COL11A1: variants seen among roughly 807,000 people sequenced by gnomAD.
COL11A1 encodes the protein collagen type XI alpha 1 chain, also known as collagen alpha-1(XI) chain.
Under a neutral mutation model 265.2 loss-of-function variants are expected in COL11A1, and 74 were observed. The observed-to-expected ratio is 0.28, with a 90% CI of 0.23 to 0.34. The LOEUF (loss-of-function observed/expected upper bound fraction) is 0.34, where lower values mean the gene tolerates loss of function less well. Among genes scored for constraint, COL11A1 ranks in the 10% least tolerant of loss-of-function variants. The probability of loss-of-function intolerance (pLI) is 1.00; values close to 1 mark genes in which losing one functional copy is unlikely to be tolerated. For synonymous variants in COL11A1, 816 were observed against 727.6 expected (o/e 1.12, Z -1.96); for missense variants, 2,165 against 2,263.6 (o/e 0.96, Z 0.88).
At chr1:102,962,339 C>T (rs1053395327) in intron 39 of COL11A1, 74 bp from the exon 40 acceptor site, 6 of 1,078,108 alleles carry the variant, frequency 5.6e-6, no homozygotes, top group Non-Finnish European at 8.7e-6. Context: ...TTGTGATTAC[C>T]TCTAAACTAC....
At chr1:103,014,968 A>G (rs1666442893) in intron 12 of COL11A1, among the ~76,000 whole-genome samples, 1 of 152,088 alleles carries the variant, frequency 6.6e-6, no homozygotes, top group Non-Finnish European at 1.5e-5. Context: ...GTTACAGCTC[A>G]ATCTCTATTT....
chr1:102,946,983 G>C (rs1466810359), intron 41 of COL11A1, 27 bp from the exon 42 acceptor site: 10 of 1,561,448 alleles, frequency 6.4e-6, no homozygotes, highest in South Asian at 2.3e-5. Flanking sequence ...GAAGTATTTT[G>C]TTATTAAAGA....
intron 63 of COL11A1, among the ~76,000 whole-genome samples, chr1:102,886,145 T>C (rs971282942): frequency 6.6e-6 from 1 of 152,190 alleles, no homozygotes; most frequent in Non-Finnish European, 1.5e-5. Context: ...ACTTTAATAA[T>C]TGTAAGAGTT....
intron 1 of COL11A1, among the ~76,000 whole-genome samples, chr1:103,105,991 C>A (rs940115556): frequency 2.6e-5 from 4 of 152,074 alleles, no homozygotes; most frequent in Admixed American, 6.6e-5. Context: ...GAAGAAGAAA[C>A]CCAACAAAAT....
At chr1:102,961,770 C>T (rs969909306) in intron 41 of COL11A1, 96 bp downstream of exon 41, 3 of 1,136,148 alleles carry the variant, frequency 2.6e-6, no homozygotes, top group Non-Finnish European at 3.9e-6. Flanking sequence ...TTTATTTTCT[C>T]TCCCACACAC....
chr1:103,090,293 T>C (rs944185180), intron 1 of COL11A1, among the ~76,000 whole-genome samples: 3 of 152,022 alleles, frequency 2.0e-5, no homozygotes, highest in African/African-American at 7.2e-5. Context: ...CTAATAAAAA[T>C]AAAATAATAC....
chr1:102,955,921 T>C (rs1481758671), intron 41 of COL11A1, among the ~76,000 whole-genome samples: 4 of 152,156 alleles, frequency 2.6e-5, no homozygotes, highest in African/African-American at 9.7e-5. Context: ...TCAGAAGACA[T>C]GCCCTGGATT....
chr1:103,004,193 C>A (rs922853547), intron 20 of COL11A1, among the ~76,000 whole-genome samples: 4 of 151,990 alleles, frequency 2.6e-5, no homozygotes, highest in Non-Finnish European at 4.4e-5. Flanking sequence ...GCAACAAAAA[C>A]TAGGTAAGGT....
chr1:103,023,507 A>G lies in COL11A1; in HGVS notation c.991-511T>C, dbSNP rs144415992. 3.0e-3 allele frequency among the ~76,000 whole-genome samples: 457 copies of G among 151,876 alleles called. 1 individual carries two copies. Among genetic ancestry groups the G allele is most frequent in the African/African-American group, 0.011 (442 of 41,450 alleles). ...CGAGTAGCTAGGATTACAGGCATGC[A>G]CCACCATGCCTGGGTAATTTTGTAT... On this transcript the variant is annotated intron_variant, in intron 7 of 66. Transcript: ENST00000370096.
intron 46 of COL11A1, among the ~76,000 whole-genome samples, chr1:102,933,917 C>A (rs761466660): frequency 9.5e-4 from 144 of 152,332 alleles, no homozygotes; most frequent in Non-Finnish European, 1.6e-3. Flanking sequence ...TTTTGCTTCC[C>A]AAGTGAGGCA....
rs1371732763 is a variant in COL11A1, at chr1:102,921,576, AAG to A, written c.3655-7_3655-6del. 2 of 1,611,578 alleles carry A rather than the reference AAG, an allele frequency of 1.2e-6. No homozygotes were observed. The highest frequency in any genetic ancestry group is 1.1e-5 in the South Asian group (1 of 90,782). ...GCCTGGAGGACCAGGTGGCCCCTGT[AAG>A]AGAGAAATATTGAGGTTTACAAAGA... On this transcript the variant is annotated splice_region_variant and splice_polypyrimidine_tract_variant and intron_variant, in intron 47 of 66. Coordinates refer to ENST00000370096, the MANE Select transcript of COL11A1 (RefSeq NM_001854.4).
intron 46 of COL11A1, among the ~76,000 whole-genome samples, chr1:102,931,715 T>C (rs1305013494): frequency 6.6e-6 from 1 of 152,112 alleles, no homozygotes; most frequent in Non-Finnish European, 1.5e-5. Context: ...CCATTATTAA[T>C]GTGTGGGAGT....
chr1:102,887,362 G>A (rs1413843138), intron 62 of COL11A1, among the ~76,000 whole-genome samples: 1 of 151,872 alleles, frequency 6.6e-6, no homozygotes, highest in Non-Finnish European at 1.5e-5. Flanking sequence ...TTATTAATTA[G>A]TCATCATTTA....
chr1:102,879,632 A>T, intron 66 of COL11A1, 51 bp downstream of exon 66: 2 of 1,525,774 alleles, frequency 1.3e-6, no homozygotes, highest in Non-Finnish European at 9.1e-7. Context: ...TGAAACGGTG[A>T]CATGCTGCCT....
chr1:102,930,095 C>A (rs1445496185), intron 46 of COL11A1, among the ~76,000 whole-genome samples: 9 of 152,156 alleles, frequency 5.9e-5, no homozygotes, highest in Non-Finnish European at 1.2e-4. Flanking sequence ...CCTTCTCCTG[C>A]CTAACTGCCC....
Position 103,031,150 on chromosome 1 carries a change from T to C in COL11A1, c.746A>G (p.Lys249Arg). Reference protein sequence around the residue: ...YSPDCDSSAPKAAQAQEPQID... With the variant: ...YSPDCDSSAPRAAQAQEPQID... ...CTGAGGTTCCTGAGCTTGAGCAGCC[T>C]TGGGTGCTGAAGAGTCACAGTCTGG... The change falls in exon 5 of 67, where the codon AAG (lysine) becomes AGG (arginine). Residue 249 changes from lysine (K) to arginine (R), a missense_variant. By Grantham distance (26) the Lys-to-Arg change is conservative. Coordinates refer to ENST00000370096, the MANE Select transcript of COL11A1 (RefSeq NM_001854.4). 6.2e-7 allele frequency: 1 copy of C among 1,613,324 alleles called. No homozygotes were observed. The highest frequency in any genetic ancestry group is 1.3e-5 in the African/African-American group (1 of 75,014).
intron 35 of COL11A1, among the ~76,000 whole-genome samples, chr1:102,976,543 C>T (rs1662512448): frequency 6.6e-6 from 1 of 151,900 alleles, no homozygotes. Flanking sequence ...AGGTAATCTG[C>T]CCACCTCTGC....
chr1:102,922,795 G>A (rs1656145961), intron 47 of COL11A1, among the ~76,000 whole-genome samples: 3 of 152,272 alleles, frequency 2.0e-5, no homozygotes, highest in South Asian at 4.1e-4. Flanking sequence ...TTCCTAAGGA[G>A]AATAAAACCT....
At chr1:102,909,430 T>C (rs1654384372) in intron 54 of COL11A1, among the ~76,000 whole-genome samples, 1 of 152,178 alleles carries the variant, frequency 6.6e-6, no homozygotes, top group Non-Finnish European at 1.5e-5. Flanking sequence ...CCTCAGGTAT[T>C]CTTTTATAGC....
Sources: gnomAD v4.1 joint callset for allele counts (sites outside exome capture counted in the v4.1 genomes callset) on GRCh38, gnomAD v4.1.1 for gene constraint, MANE v1.5 for transcripts, NCBI Gene and HGNC (gene_info 2026-07-23, HGNC 2026-07-21) for gene names.